KLHL32: variants seen among roughly 807,000 people sequenced by gnomAD.
The protein encoded by KLHL32 is kelch like family member 32, also known as kelch-like protein 32.
A neutral mutation model predicts 64.8 loss-of-function variants in KLHL32; 35 were observed. The ratio of observed to expected loss-of-function variants is 0.54; its 90% confidence interval spans 0.41 to 0.72. The LOEUF is 0.72. KLHL32 is among the 30% of genes least tolerant of loss of function. KLHL32 has a pLI of 0.00. For missense variants in KLHL32, 589 were observed against 768.5 expected, an observed-to-expected ratio of 0.77 and a Z score of 2.76; for synonymous variants, 259 against 281.0, an observed-to-expected ratio of 0.92 and a Z score of 0.78.
the KLHL32 span, among the ~76,000 whole-genome samples, chr6:96,904,339 CAAAAAAAAA>C: frequency 3.6e-4 from 38 of 106,072 alleles, no homozygotes; most frequent in Admixed American, 1.7e-3. Flanking sequence ...AAGACTTTGT[CAAAAAAAAA>C]AAAAAAAAAA....
chr6:97,136,122 G>A (rs866825299), intron 10 of KLHL32, among the ~76,000 whole-genome samples: 4 of 152,152 alleles, frequency 2.6e-5, no homozygotes, highest in Admixed American at 6.5e-5. Context: ...ATTAATCCAA[G>A]AGCATGGCTG....
At chr6:96,971,329 T>C (rs529197781) in intron 2 of KLHL32, among the ~76,000 whole-genome samples, 14 of 152,286 alleles carry the variant, frequency 9.2e-5, no homozygotes, top group African/African-American at 3.1e-4. Flanking sequence ...TCAAACCCTA[T>C]AGGATTTCTG....
the KLHL32 span, among the ~76,000 whole-genome samples, chr6:96,910,518 C>A: frequency 6.6e-6 from 1 of 152,166 alleles, no homozygotes. Context: ...TTATCACTTG[C>A]CTCCACATAT....
At chr6:97,082,200 G>A (rs757745896) in intron 5 of KLHL32, among the ~76,000 whole-genome samples, 1 of 152,184 alleles carries the variant, frequency 6.6e-6, no homozygotes, top group Non-Finnish European at 1.5e-5. Context: ...GACAGGACTG[G>A]CGATTGACTA....
chr6:96,995,313 G>A (rs1778295208), intron 3 of KLHL32, among the ~76,000 whole-genome samples: 1 of 152,210 alleles, frequency 6.6e-6, no homozygotes, highest in Admixed American at 6.5e-5. Flanking sequence ...TTTTTGATGG[G>A]TCAGAATAAC....
At chr6:96,983,382 A>G (rs1404720696) in intron 3 of KLHL32, among the ~76,000 whole-genome samples, 2 of 152,422 alleles carry the variant, frequency 1.3e-5, no homozygotes, top group Admixed American at 6.5e-5. Context: ...TATCAGGATG[A>G]TGCTGGCCTC....
the KLHL32 span, among the ~76,000 whole-genome samples, chr6:96,907,459 A>G: frequency 6.6e-6 from 1 of 152,230 alleles, no homozygotes; most frequent in Non-Finnish European, 1.5e-5. Flanking sequence ...AGAAAAAGGT[A>G]CAGATTTTTG....
intron 4 of KLHL32, among the ~76,000 whole-genome samples, chr6:97,060,240 A>C (rs1348354217): frequency 6.6e-6 from 1 of 152,222 alleles, no homozygotes; most frequent in Non-Finnish European, 1.5e-5. Flanking sequence ...GCAGGAGAAA[A>C]AAAAAGGTCA....
intron 4 of KLHL32, among the ~76,000 whole-genome samples, chr6:97,050,825 A>C (rs1786772462): frequency 6.6e-6 from 1 of 152,158 alleles, no homozygotes; most frequent in South Asian, 2.1e-4. Flanking sequence ...CAACATGGCA[A>C]AACCCCATCT....
At chr6:96,910,181 G>A in the KLHL32 span, among the ~76,000 whole-genome samples, 1 of 152,074 alleles carries the variant, frequency 6.6e-6, no homozygotes, top group South Asian at 2.1e-4. Context: ...TCCTTCATTT[G>A]GGAACAGGGA....
chr6:96,933,223 A>G lies in KLHL32; in HGVS notation c.-66+8197A>G, dbSNP rs12190562. On this transcript the variant is annotated intron_variant, in intron 1 of 10. Transcript: ENST00000369261. ...ACCCAGTAAGGGATGAAATTCCCTT[A>G]CCCCTCAAAACACGTGCCTTGATTA... 1.1e-3 allele frequency among the ~76,000 whole-genome samples: 165 copies of G among 152,178 alleles called. 1 individual carries two copies. Among genetic ancestry groups the G allele is most frequent in the Non-Finnish European group, 2.1e-3 (143 of 68,004 alleles).
At chr6:96,921,063 A>G (rs1466350314), upstream of KLHL32, among the ~76,000 whole-genome samples, 1 of 152,192 alleles carries the variant, frequency 6.6e-6, no homozygotes, top group Non-Finnish European at 1.5e-5. Context: ...TAATCTTTTT[A>G]TAATCTTTGC....
At chr6:97,006,415 A>G (rs1277119259) in intron 3 of KLHL32, among the ~76,000 whole-genome samples, 1 of 152,104 alleles carries the variant, frequency 6.6e-6, no homozygotes, top group African/African-American at 2.4e-5. Flanking sequence ...TGCATGTGAG[A>G]TGGGCCTCTT....
At chr6:97,057,073 A>G (rs1045447495) in intron 4 of KLHL32, among the ~76,000 whole-genome samples, 1 of 152,138 alleles carries the variant, frequency 6.6e-6, no homozygotes, top group Non-Finnish European at 1.5e-5. Context: ...GACTGTTTTA[A>G]AAAGTTAAAA....
At chr6:97,116,283 CCTTTTT>C (rs973511679) in intron 7 of KLHL32, among the ~76,000 whole-genome samples, 1 of 151,984 alleles carries the variant, frequency 6.6e-6, no homozygotes, top group African/African-American at 2.4e-5. Context: ...AATTACTGTT[CCTTTTT>C]CTTTAAATGT....
chr6:97,045,948 G>A (rs957005106), intron 4 of KLHL32, among the ~76,000 whole-genome samples: 2 of 152,148 alleles, frequency 1.3e-5, no homozygotes, highest in Non-Finnish European at 2.9e-5. Flanking sequence ...AGCCAAATGA[G>A]ATGAAAATAT....
intron 6 of KLHL32, among the ~76,000 whole-genome samples, chr6:97,089,073 A>G (rs1793843152): frequency 6.6e-6 from 1 of 152,240 alleles, no homozygotes; most frequent in Non-Finnish European, 1.5e-5. Flanking sequence ...AGCACCTACT[A>G]AATACCCAAA....
intron 6 of KLHL32, among the ~76,000 whole-genome samples, chr6:97,096,036 A>C (rs1381213985): frequency 6.6e-6 from 1 of 152,174 alleles, no homozygotes; most frequent in Non-Finnish European, 1.5e-5. Context: ...CAGAGGCAAC[A>C]AATTTTGCTA....
At chr6:97,040,797 A>G (rs1468555185) in intron 3 of KLHL32, among the ~76,000 whole-genome samples, 1 of 152,184 alleles carries the variant, frequency 6.6e-6, no homozygotes, top group East Asian at 1.9e-4. Flanking sequence ...TGTTCTCATG[A>G]TAGTGAGTGA....
Sources: allele counts gnomAD v4.1 joint callset (sites outside exome capture counted in the v4.1 genomes callset), GRCh38; gene constraint gnomAD v4.1.1; transcripts MANE v1.5; gene names NCBI Gene and HGNC (gene_info 2026-07-23, HGNC 2026-07-21).